BBX: variants seen among roughly 807,000 people sequenced by gnomAD.
BBX encodes the protein BBX high mobility group box domain containing.
In BBX, 30 loss-of-function variants were observed where a neutral mutation model predicts 100.2. The ratio of observed to expected loss-of-function variants is 0.30; its 90% CI spans 0.22 to 0.41. BBX has a LOEUF of 0.41. BBX is among the 10% of genes least tolerant of loss of function. BBX has a pLI of 1.00. For synonymous variants in BBX, 376 were observed against 388.1 expected (o/e 0.97, Z 0.37); for missense variants, 1,023 against 1,129.8 (o/e 0.91, Z 1.35).
intron 10 of BBX, among the ~76,000 whole-genome samples, chr3:107,758,837 C>T (rs1000008827): frequency 6.6e-6 from 1 of 152,168 alleles, no homozygotes; most frequent in Non-Finnish European, 1.5e-5. Flanking sequence ...ATTCTGTCTT[C>T]TATTCTCTAA....
At chr3:107,640,611 A>G (rs1416328898) in intron 2 of BBX, among the ~76,000 whole-genome samples, 1 of 151,772 alleles carries the variant, frequency 6.6e-6, no homozygotes, top group African/African-American at 2.4e-5. Context: ...TGATCACCCA[A>G]CTAGATCTCA....
intron 8 of BBX, 48 bp downstream of exon 8, chr3:107,744,758 G>T (rs1437712951): frequency 6.9e-7 from 1 of 1,448,284 alleles, no homozygotes; most frequent in Non-Finnish European, 9.7e-7. Flanking sequence ...TTGTAAAGTG[G>T]GCTTAAATTG....
At position 107,526,753 on chromosome 3, in the gene BBX, A is replaced by C. The variant is rs116183553; in HGVS notation, c.-84+355A>C. On this transcript the variant is annotated intron_variant, in intron 2 of 17. Coordinates refer to ENST00000325805, the MANE Select transcript of BBX (RefSeq NM_001142568.3). ...GGAAGAGTGCAGTGTATGAGTGGAG[A>C]GAATTATTAAAAACCCAAGGAAGCA... 1,321 of 159,144 alleles carry C rather than the reference A, an allele frequency of 8.3e-3. 26 individuals are homozygous for C. The highest frequency in any genetic ancestry group is 0.03 in the African/African-American group (1,250 of 41,864). The allele number at this position is 159,144 out of a possible 1,614,324, so 9.9% of individuals were successfully genotyped here. A position where few individuals can be genotyped will look rare whatever the true frequency, so the allele number is the denominator to read the frequency against.
At chr3:107,623,283 G>T (rs1004180924) in intron 2 of BBX, among the ~76,000 whole-genome samples, 1 of 152,150 alleles carries the variant, frequency 6.6e-6, no homozygotes, top group Non-Finnish European at 1.5e-5. Context: ...TCAGTATTCC[G>T]TCAGTCAGAG....
intron 3 of BBX, among the ~76,000 whole-genome samples, chr3:107,666,577 T>A (rs1311368516): frequency 6.6e-6 from 1 of 152,106 alleles, no homozygotes; most frequent in Non-Finnish European, 1.5e-5. Context: ...TTATTCATTA[T>A]TTTTTTTGAG....
intron 2 of BBX, among the ~76,000 whole-genome samples, chr3:107,535,733 C>T (rs1318318436): frequency 1.3e-5 from 2 of 152,018 alleles, no homozygotes; most frequent in African/African-American, 2.4e-5. Flanking sequence ...GCTGGGATTA[C>T]AGGTGCGGGT....
At chr3:107,679,302 A>G (rs1230715454) in intron 3 of BBX, among the ~76,000 whole-genome samples, 4 of 152,196 alleles carry the variant, frequency 2.6e-5, no homozygotes, top group African/African-American at 7.2e-5. Flanking sequence ...CACAGATGAT[A>G]CATAATTTTT....
At chr3:107,597,624 G>A (rs1001524033) in intron 2 of BBX, among the ~76,000 whole-genome samples, 6 of 152,102 alleles carry the variant, frequency 3.9e-5, no homozygotes, top group African/African-American at 1.2e-4. Context: ...TTATATAGCA[G>A]TGTTGCTCAT....
chr3:107,736,596 A>G (rs1027149425), intron 7 of BBX, among the ~76,000 whole-genome samples: 2 of 152,136 alleles, frequency 1.3e-5, no homozygotes, highest in African/African-American at 4.8e-5. Context: ...TACTTGATCT[A>G]GAATTTCTAG....
intron 2 of BBX, among the ~76,000 whole-genome samples, chr3:107,582,954 A>G (rs557365635): frequency 1.7e-4 from 26 of 152,042 alleles, no homozygotes; most frequent in Admixed American, 6.6e-4. Flanking sequence ...AAGTTCTACA[A>G]TGCTGTTCCT....
chr3:107,612,672 C>T (rs972390297), intron 2 of BBX, among the ~76,000 whole-genome samples: 10 of 152,180 alleles, frequency 6.6e-5, no homozygotes, highest in African/African-American at 1.2e-4. Flanking sequence ...CCAACACCAC[C>T]GGAACTGTTC....
chr3:107,606,388 A>G (rs981581087), intron 2 of BBX, among the ~76,000 whole-genome samples: 4 of 152,362 alleles, frequency 2.6e-5, no homozygotes, highest in African/African-American at 7.2e-5. Context: ...CATTTAGTCA[A>G]TCAGACTGGG....
chr3:107,543,171 C>T (rs1450530765), intron 2 of BBX, among the ~76,000 whole-genome samples: 1 of 152,076 alleles, frequency 6.6e-6, no homozygotes, highest in Non-Finnish European at 1.5e-5. Context: ...TATATTTTAG[C>T]TTTAAAAGGG....
chr3:107,764,182 G>A (rs2066170675), intron 10 of BBX, among the ~76,000 whole-genome samples: 1 of 152,204 alleles, frequency 6.6e-6, no homozygotes, highest in Non-Finnish European at 1.5e-5. Context: ...AGTAGAGACA[G>A]GGTTTCACCG....
At position 107,773,489 on chromosome 3, in the gene BBX, G is replaced by A; in HGVS notation, c.1768G>A (p.Gly590Arg). ...MEDALPPSLS[G>R]QAKPEDSDCH... Reference sequence around the variant, plus strand: ...AGATGCACTACCACCCAGCCTATCAGGACAGGCCAAGCCTGAGGACAGTGA... The same window carrying A: ...AGATGCACTACCACCCAGCCTATCAAGACAGGCCAAGCCTGAGGACAGTGA... The change falls in exon 11 of 18, where the codon GGA (glycine) becomes AGA (arginine). Residue 590 changes from glycine to arginine, a missense_variant. Around this residue, in one of 9 missense-constraint regions of BBX, gnomAD observed 348 missense variants for 353.2 expected, o/e 0.99. Transcript: ENST00000325805. The surrounding 1 kb of genome is among the most constrained non-coding windows in gnomAD (Gnocchi z 4.1). The A allele has an allele frequency of 1.2e-6, 2 of 1,614,064 alleles. No homozygotes were observed. Among genetic ancestry groups the A allele is most frequent in the South Asian group, 1.1e-5 (1 of 91,078 alleles).
At chr3:107,554,320 A>G (rs1368234211) in intron 2 of BBX, among the ~76,000 whole-genome samples, 1 of 152,198 alleles carries the variant, frequency 6.6e-6, no homozygotes, top group African/African-American at 2.4e-5. Context: ...TTTTTCACTC[A>G]CATTTTCTAT....
chr3:107,775,960 A>G (rs533610673), intron 12 of BBX, among the ~76,000 whole-genome samples: 1 of 152,266 alleles, frequency 6.6e-6, no homozygotes, highest in African/African-American at 2.4e-5. Flanking sequence ...TTCATTTCTA[A>G]TATTTTTAAA....
intron 3 of BBX, among the ~76,000 whole-genome samples, chr3:107,679,141 TAAA>T (rs35708083): frequency 3.7e-4 from 53 of 143,916 alleles, no homozygotes; most frequent in Non-Finnish European, 7.0e-4. Flanking sequence ...AGGGCTTCAT[TAAA>T]AAAAAAAAAA....
chr3:107,656,952 A>G (rs544932173), intron 3 of BBX: 3 of 152,366 alleles, frequency 2.0e-5, no homozygotes, highest in East Asian at 3.9e-4. Context: ...TACTTGGGCC[A>G]GTGGGATGGG....
Sources: allele counts gnomAD v4.1 joint callset (sites outside exome capture counted in the v4.1 genomes callset), GRCh38; gene constraint gnomAD v4.1.1; regional missense constraint gnomAD v4.1.1; non-coding constraint Gnocchi (gnomAD v3.1); transcripts MANE v1.5; gene names NCBI Gene and HGNC (gene_info 2026-07-23, HGNC 2026-07-21).